GNPTAB: variants seen among roughly 807,000 people sequenced by gnomAD.
GNPTAB encodes N-acetylglucosamine-1-phosphotransferase subunits alpha/beta.
A neutral mutation model predicts 136.6 loss-of-function variants in GNPTAB; 92 were observed. The ratio of observed to expected loss-of-function variants is 0.67; its 90% CI spans 0.57 to 0.80. The LOEUF (loss-of-function observed/expected upper bound fraction) is 0.80. Ranked by LOEUF, GNPTAB falls within the 30% of genes least tolerant of loss-of-function variation. GNPTAB has a pLI of 0.00. For synonymous variants in GNPTAB, 512 were observed against 535.1 expected (o/e 0.96, Z 0.60); for missense variants, 1,343 against 1,501.8 (o/e 0.89, Z 1.75).
intron 1 of GNPTAB, among the ~76,000 whole-genome samples, chr12:101,804,578 G>A (rs1869835730): frequency 1.3e-5 from 2 of 152,118 alleles, no homozygotes; most frequent in Non-Finnish European, 2.9e-5. Context: ...TGTCCAATAT[G>A]GTATGTGGCC....
chr12:101,772,288 G>A (rs1043818517), intron 7 of GNPTAB, among the ~76,000 whole-genome samples: 6 of 152,134 alleles, frequency 3.9e-5, no homozygotes, highest in Non-Finnish European at 8.8e-5. Context: ...AAGAGCTTAC[G>A]GTCTTCTTTC....
chr12:101,810,354 G>A (rs1429015726), intron 1 of GNPTAB, among the ~76,000 whole-genome samples: 6 of 148,896 alleles, frequency 4.0e-5, no homozygotes, highest in Non-Finnish European at 1.5e-5. Context: ...TAATTTTTCT[G>A]TAAACCTAAA....
rs1952854865 is a variant in GNPTAB at position 101,753,556 on chromosome 12, C to T, written c.3435-17G>A. On this transcript the variant is annotated splice_polypyrimidine_tract_variant and intron_variant, in intron 18 of 20. Coordinates refer to ENST00000299314, the MANE Select transcript of GNPTAB (RefSeq NM_024312.5). ...ACAAACTTCCTGAAATAACAGAGAG[C>T]CAGGGTTATTAGTTACATATGGATA... is the stretch of plus-strand genomic sequence containing the variant. The T allele has an allele frequency of 1.2e-6, 2 of 1,605,222 alleles. No individual in the cohort carries two copies. Among genetic ancestry groups the T allele is most frequent in the Non-Finnish European group, 1.7e-6 (2 of 1,172,642 alleles).
At position 101,813,727 on chromosome 12, in the gene GNPTAB, T is replaced by C. The variant is rs566181511; in HGVS notation, c.117+16832A>G. Among the ~76,000 whole-genome samples the C allele has an allele frequency of 2.6e-5, 4 of 152,298 alleles. No individual in the cohort carries two copies. In the South Asian group the frequency reaches 8.3e-4, roughly 32 times the overall value. On this transcript the variant is annotated intron_variant, in intron 1 of 20. Coordinates refer to ENST00000299314, the MANE Select transcript of GNPTAB (RefSeq NM_024312.5). ...AAAATTATTGAGGACTGGCTGGGTATGGTAGCTAACACCTGTAAACTCAGC... is the reference window on the plus strand; with the variant it reads ...AAAATTATTGAGGACTGGCTGGGTACGGTAGCTAACACCTGTAAACTCAGC...
At chr12:101,757,117 G>T in intron 18 of GNPTAB, 95 bp downstream of exon 18, 1 of 726,464 alleles carries the variant, frequency 1.4e-6, no homozygotes, top group South Asian at 1.6e-5. Context: ...TAGGCCTTTT[G>T]GTCTGTTCCA....
At chr12:101,818,873 G>A (rs1196962859) in intron 1 of GNPTAB, among the ~76,000 whole-genome samples, 1 of 152,074 alleles carries the variant, frequency 6.6e-6, no homozygotes, top group Non-Finnish European at 1.5e-5. Context: ...AAGATCTGAT[G>A]GTTTTATAAA....
intron 7 of GNPTAB, among the ~76,000 whole-genome samples, chr12:101,778,029 C>A (rs1953284401): frequency 1.3e-5 from 2 of 152,344 alleles, no homozygotes; most frequent in South Asian, 4.1e-4. Flanking sequence ...GGAAAGGAGT[C>A]TCACCACACC....
chr12:101,804,608 G>A (rs1313671838), intron 1 of GNPTAB, among the ~76,000 whole-genome samples: 2 of 152,168 alleles, frequency 1.3e-5, no homozygotes, highest in Non-Finnish European at 2.9e-5. Context: ...TATTTAAAAC[G>A]TAAACTAAGT....
chr12:101,798,624 T>C (rs772066595), intron 1 of GNPTAB, among the ~76,000 whole-genome samples: 1 of 152,108 alleles, frequency 6.6e-6, no homozygotes, highest in African/African-American at 2.4e-5. Flanking sequence ...TAAACAAACA[T>C]AAAAATGCAG....
chr12:101,757,153 T>C lies in GNPTAB; in HGVS notation c.3434+59A>G, dbSNP rs1335201394. On this transcript the variant is annotated intron_variant, in intron 18 of 20. Coordinates refer to ENST00000299314, the MANE Select transcript of GNPTAB (RefSeq NM_024312.5). ...TACAGAAATAAGCTACTCCCTTCTTTCCAGTCCTTTTATTCAGGTTTATTT... is the reference window on the plus strand; with the variant it reads ...TACAGAAATAAGCTACTCCCTTCTTCCCAGTCCTTTTATTCAGGTTTATTT... 9 of 929,220 alleles carry C rather than the reference T, an allele frequency of 9.7e-6. No individual in the cohort carries two copies. In the Middle Eastern group the frequency reaches 1.7e-3, roughly 179 times the overall value. 57.6% of individuals were successfully genotyped at this position (929,220 alleles called of 1,614,324 possible).
At chr12:101,829,378 A>G (rs1004748054) in intron 1 of GNPTAB, among the ~76,000 whole-genome samples, 8 of 152,108 alleles carry the variant, frequency 5.3e-5, no homozygotes, top group Admixed American at 2.6e-4. Context: ...CCAGCTACTC[A>G]GGAGGCTGAG....
chr12:101,766,961 G>C (rs1044511697), intron 11 of GNPTAB, among the ~76,000 whole-genome samples: 1 of 152,272 alleles, frequency 6.6e-6, no homozygotes, highest in South Asian at 2.1e-4. Flanking sequence ...GTCCAAACGT[G>C]GGTAACATGT....
chr12:101,771,482 GATC>G (rs1204498312), intron 7 of GNPTAB, among the ~76,000 whole-genome samples: 1 of 152,176 alleles, frequency 6.6e-6, no homozygotes, highest in Non-Finnish European at 1.5e-5. Context: ...GACCTCAGGT[GATC>G]CACCTGCCTT....
chr12:101,827,672 G>C (rs1221688115), intron 1 of GNPTAB, among the ~76,000 whole-genome samples: 1 of 152,102 alleles, frequency 6.6e-6, no homozygotes, highest in Admixed American at 6.6e-5. Context: ...AGTTAACAAT[G>C]ATCTTCTGAG....
At chr12:101,788,383 T>G (rs574791325) in intron 4 of GNPTAB, among the ~76,000 whole-genome samples, 165 bp downstream of exon 4, 4 of 152,328 alleles carry the variant, frequency 2.6e-5, no homozygotes, top group African/African-American at 7.2e-5. Flanking sequence ...AACTATGCAC[T>G]CAGCACTGCA....
intron 1 of GNPTAB, among the ~76,000 whole-genome samples, chr12:101,817,113 G>A (rs931606801): frequency 7.9e-5 from 12 of 152,156 alleles, no homozygotes; most frequent in African/African-American, 2.9e-4. Flanking sequence ...TAGTCCTGGT[G>A]TTCGACAGCA....
intron 7 of GNPTAB, among the ~76,000 whole-genome samples, chr12:101,771,416 G>C (rs755283321): frequency 5.9e-5 from 9 of 151,968 alleles, no homozygotes; most frequent in African/African-American, 1.5e-4. Context: ...GCAAACTTTT[G>C]TACTTTTAGT....
chr12:101,804,546 A>G (rs1441632008), intron 1 of GNPTAB, among the ~76,000 whole-genome samples: 1 of 152,190 alleles, frequency 6.6e-6, no homozygotes, highest in African/African-American at 2.4e-5. Context: ...TAGTTATTCT[A>G]CCTATGAGGG....
At position 101,803,464 on chromosome 12, in the gene GNPTAB, A is replaced by T. The variant is rs117625774; in HGVS notation, c.118-6702T>A. ...GCTTAATGCAATAAAGCACAACTTT[A>T]AAAAATTAGGAGTTCAATGGTTATT... On this transcript the variant is annotated intron_variant, in intron 1 of 20. Transcript: ENST00000299314. Among the ~76,000 whole-genome samples the T allele has an allele frequency of 2.0e-3, 307 of 152,338 alleles. 1 individual carries two copies. Among genetic ancestry groups the T allele is most frequent in the Non-Finnish European group, 3.3e-3 (224 of 68,028 alleles).
Sources: gnomAD v4.1 joint callset for allele counts (sites outside exome capture counted in the v4.1 genomes callset) on GRCh38, gnomAD v4.1.1 for gene constraint, MANE v1.5 for transcripts, NCBI Gene and HGNC (gene_info 2026-07-23, HGNC 2026-07-21) for gene names.